Variants in KIAA1217 observed in about 807,000 individuals in gnomAD.
KIAA1217 encodes KIAA1217, also known as sickle tail protein homolog.
KIAA1217 carries 88 observed loss-of-function variants against 163.9 expected under a neutral mutation model. The observed-to-expected ratio is 0.54, with a 90% CI of 0.45 to 0.64. The LOEUF is 0.64. KIAA1217 is among the 30% of genes least tolerant of loss of function. The pLI, the probability that KIAA1217 is intolerant of heterozygous loss-of-function variation, is 0.00. For synonymous variants in KIAA1217, 903 were observed against 923.1 expected, an observed-to-expected ratio of 0.98 and a Z score of 0.39; for missense variants, 2,372 against 2,475.0, an observed-to-expected ratio of 0.96 and a Z score of 0.88.
chr10:24,281,522 A>G (rs781419469), intron 2 of KIAA1217, among the ~76,000 whole-genome samples: 1 of 152,150 alleles, frequency 6.6e-6, no homozygotes, highest in Non-Finnish European at 1.5e-5. Context: ...TATATTTATG[A>G]TACAGTTAGA....
chr10:24,052,503 T>C (rs983645395), intron 2 of KIAA1217, among the ~76,000 whole-genome samples: 2 of 152,148 alleles, frequency 1.3e-5, no homozygotes, highest in Non-Finnish European at 2.9e-5. Context: ...TTATATAGAA[T>C]CACAAATTAT....
intron 2 of KIAA1217, among the ~76,000 whole-genome samples, chr10:24,347,773 C>T (rs1453629988): frequency 1.3e-5 from 2 of 152,082 alleles, no homozygotes; most frequent in Non-Finnish European, 1.5e-5. Context: ...AGGTTTTTTT[C>T]CCCCCAGCTT....
intron 2 of KIAA1217, among the ~76,000 whole-genome samples, chr10:24,084,139 G>A (rs573551154): frequency 7.0e-4 from 106 of 152,238 alleles, no homozygotes; most frequent in African/African-American, 2.5e-3. Context: ...GACTCTCCTG[G>A]CCACCCAATT....
intron 1 of KIAA1217, among the ~76,000 whole-genome samples, chr10:24,213,814 T>C (rs1281028328): frequency 1.3e-5 from 2 of 152,192 alleles, no homozygotes; most frequent in African/African-American, 4.8e-5. Flanking sequence ...TTTAAGGTAC[T>C]ATAGAGGAAT....
chr10:24,116,988 G>A (rs1018323281), intron 2 of KIAA1217, among the ~76,000 whole-genome samples: 1 of 152,058 alleles, frequency 6.6e-6, no homozygotes, highest in Non-Finnish European at 1.5e-5. Context: ...TGATGGGCAG[G>A]AGTATCCTTA....
chr10:24,221,481 T>A (rs1228887875), intron 2 of KIAA1217, among the ~76,000 whole-genome samples: 1 of 152,208 alleles, frequency 6.6e-6, no homozygotes, highest in African/African-American at 2.4e-5. Context: ...CACTCAGCCT[T>A]TGATTATCCA....
At chr10:24,102,705 CA>C (rs1312790309) in intron 2 of KIAA1217, among the ~76,000 whole-genome samples, 1 of 152,160 alleles carries the variant, frequency 6.6e-6, no homozygotes, top group African/African-American at 2.4e-5. Context: ...ATAGTTCAGC[CA>C]AAAGAATAAA....
chr10:24,410,427 A>C (rs1233577566), intron 3 of KIAA1217, among the ~76,000 whole-genome samples: 1 of 152,220 alleles, frequency 6.6e-6, no homozygotes, highest in Non-Finnish European at 1.5e-5. Context: ...TTTTTCTGCA[A>C]ATCTTGACTG....
chr10:24,085,960 G>A (rs539497697), intron 2 of KIAA1217, among the ~76,000 whole-genome samples: 20 of 146,422 alleles, frequency 1.4e-4, no homozygotes, highest in African/African-American at 4.1e-4. Flanking sequence ...GCAACAAAGC[G>A]AGACCCTGTC....
intron 2 of KIAA1217, among the ~76,000 whole-genome samples, chr10:24,020,508 C>T (rs1303941805): frequency 6.6e-6 from 1 of 152,078 alleles, no homozygotes; most frequent in Admixed American, 6.6e-5. Context: ...AAGCTTCACA[C>T]AGCCATGGCT....
intron 2 of KIAA1217, among the ~76,000 whole-genome samples, chr10:24,228,660 T>C (rs990543125): frequency 4.6e-5 from 7 of 152,092 alleles, no homozygotes; most frequent in African/African-American, 1.2e-4. Context: ...AAGTGGCATA[T>C]GTCACTTCAC....
chr10:23,924,825 A>G (rs1371833893), intron 1 of KIAA1217, among the ~76,000 whole-genome samples: 2 of 152,214 alleles, frequency 1.3e-5, no homozygotes, highest in African/African-American at 4.8e-5. Context: ...GAGCAGGAAG[A>G]CATTACTGAA....
chr10:24,512,049 T>C (rs2069259491), intron 9 of KIAA1217, among the ~76,000 whole-genome samples: 1 of 152,202 alleles, frequency 6.6e-6, no homozygotes, highest in African/African-American at 2.4e-5. Flanking sequence ...CCAGGCAGTC[T>C]TTCCCCAGAG....
intron 1 of KIAA1217, among the ~76,000 whole-genome samples, chr10:23,947,583 A>G (rs1844115096): frequency 1.3e-5 from 2 of 152,210 alleles, no homozygotes; most frequent in Non-Finnish European, 2.9e-5. Context: ...TATTTCAACA[A>G]GAGATATCAG....
At chr10:24,387,137 T>C (rs1212880780) in intron 3 of KIAA1217, among the ~76,000 whole-genome samples, 2 of 152,104 alleles carry the variant, frequency 1.3e-5, no homozygotes, top group Admixed American at 6.6e-5. Flanking sequence ...CTGATGAACA[T>C]TGATGCAAAA....
intron 2 of KIAA1217, among the ~76,000 whole-genome samples, chr10:24,102,038 T>C (rs1444102657): frequency 6.6e-6 from 1 of 152,182 alleles, no homozygotes; most frequent in Non-Finnish European, 1.5e-5. Flanking sequence ...AGCTTTATGG[T>C]ACGTGAATTA....
At chr10:23,937,370 A>C (rs916213818) in intron 1 of KIAA1217, among the ~76,000 whole-genome samples, 1 of 152,054 alleles carries the variant, frequency 6.6e-6, no homozygotes, top group Non-Finnish European at 1.5e-5. Context: ...CACACTGACC[A>C]CCCAGCCTTC....
At chr10:24,306,309 C>T (rs1310063315) in intron 2 of KIAA1217, among the ~76,000 whole-genome samples, 2 of 152,134 alleles carry the variant, frequency 1.3e-5, no homozygotes, top group Non-Finnish European at 2.9e-5. Context: ...CACCTTTGTA[C>T]ATGGTTCTGT....
intron 1 of KIAA1217, among the ~76,000 whole-genome samples, chr10:23,980,566 G>C (rs1845721511): frequency 6.6e-6 from 1 of 152,086 alleles, no homozygotes; most frequent in African/African-American, 2.4e-5. Flanking sequence ...AGGGTATGTT[G>C]AGCCGGGTGG....
Sources: gnomAD v4.1 joint callset for allele counts (sites outside exome capture counted in the v4.1 genomes callset) on GRCh38, gnomAD v4.1.1 for gene constraint, MANE v1.5 for transcripts, NCBI Gene and HGNC (gene_info 2026-07-23, HGNC 2026-07-21) for gene names.